The following ALMS1 variants were observed in gnomAD, a reference collection of about 807,000 sequenced individuals.
ALMS1 encodes ALMS1 centrosome and basal body associated protein.
ALMS1 carries 271 observed loss-of-function variants against 352.2 expected under a neutral mutation model. That is an observed-to-expected ratio of 0.77 (90% CI 0.70 to 0.85). ALMS1 has a LOEUF of 0.85. Among genes scored for constraint, ALMS1 ranks in the 40% least tolerant of loss-of-function variants. The probability of loss-of-function intolerance (pLI) is 0.00; values close to 1 mark genes in which losing one functional copy is unlikely to be tolerated. For missense variants in ALMS1, 5,445 were observed against 4,870.7 expected, an observed-to-expected ratio of 1.12 and a Z score of -3.51; for synonymous variants, 1,865 against 1,761.2, an observed-to-expected ratio of 1.06 and a Z score of -1.48.
intron 2 of ALMS1, 36 bp downstream of exon 2, chr2:73,408,783 G>T (rs756621414): frequency 3.0e-5 from 46 of 1,541,474 alleles, no homozygotes; most frequent in Non-Finnish European, 3.8e-5. Context: ...TTTTTTTTTT[G>T]ATAAGCAGCA....
Position 73,601,486 on chromosome 2 carries a change from G to A in ALMS1, c.12114+50G>A, listed in dbSNP as rs908855802. ...AATGCTACGTGTAGGGAGAAGAAGG[G>A]CAAGGCGCAGAGAAGCTGGCTCTGT... is the stretch of plus-strand genomic sequence containing the variant. On this transcript the variant is annotated intron_variant, in intron 19 of 22. Coordinates refer to ENST00000613296, the MANE Select transcript of ALMS1 (RefSeq NM_001378454.1). 3.1e-6 allele frequency: 5 copies of A among 1,597,444 alleles called. No homozygotes were observed. The Admixed American group carries it at 5.3e-5, about 17-fold the overall frequency.
chr2:73,538,665 A>G (rs931696872), intron 12 of ALMS1, among the ~76,000 whole-genome samples: 2 of 152,178 alleles, frequency 1.3e-5, no homozygotes, highest in Non-Finnish European at 1.5e-5. Context: ...AGGCACCTGG[A>G]AAATCGGGTC....
intron 9 of ALMS1, among the ~76,000 whole-genome samples, chr2:73,461,279 C>A (rs1572944324): frequency 6.6e-6 from 1 of 152,192 alleles, no homozygotes; most frequent in South Asian, 2.1e-4. Context: ...TTGCGGTTCA[C>A]CAATATCCGC....
chr2:73,459,250 G>A (rs1672135531), intron 9 of ALMS1: 1 of 152,148 alleles, frequency 6.6e-6, no homozygotes, highest in South Asian at 2.1e-4. Flanking sequence ...TGCTTTTCAT[G>A]CTTGTCAGGA....
At position 73,573,352 on chromosome 2, in the gene ALMS1, A is replaced by C. The variant is rs527623237; in HGVS notation, c.11475A>C (p.Lys3825Asn). 6.2e-7 allele frequency: 1 copy of C among 1,614,130 alleles called. No individual in the cohort carries two copies. The highest frequency in any genetic ancestry group is 1.7e-5 in the Admixed American group (1 of 60,000). Residue 3825 changes from lysine to asparagine, a missense_variant, in exon 16 of 23, where the codon AAA becomes AAC. Physicochemically the swap from Lys to Asn is moderately conservative, Grantham distance 94. Transcript: ENST00000613296. The part of the protein sequence containing the change: ...QQRRYLEKRS[K>N]HSKKVLNTGH... ...GGAGATACCTTGAGAAGCGGAGCAA[A>C]CACAGCAAGAAAGTGCTGAATACAG... is the stretch of plus-strand genomic sequence containing the variant.
chr2:73,431,868 G>T, intron 6 of ALMS1, among the ~76,000 whole-genome samples: 1 of 152,112 alleles, frequency 6.6e-6, no homozygotes, highest in East Asian at 1.9e-4. Flanking sequence ...TGATCATAAG[G>T]AGCAAACTTC....
intron 3 of ALMS1, among the ~76,000 whole-genome samples, chr2:73,422,314 G>T (rs1671298707): frequency 6.6e-6 from 1 of 152,014 alleles, no homozygotes; most frequent in Admixed American, 6.6e-5. Flanking sequence ...GTATCTTTTT[G>T]AGAGAATGGG....
chr2:73,433,304 G>A (rs1275649231), intron 7 of ALMS1, among the ~76,000 whole-genome samples: 1 of 152,198 alleles, frequency 6.6e-6, no homozygotes, highest in African/African-American at 2.4e-5. Context: ...CATTGAATGG[G>A]TATGGTAGAA....
chr2:73,542,704 T>C (rs1428923184), intron 12 of ALMS1, among the ~76,000 whole-genome samples: 1 of 152,018 alleles, frequency 6.6e-6, no homozygotes, highest in Non-Finnish European at 1.5e-5. Flanking sequence ...ATCACAAGCA[T>C]TCCTATACAC....
At chr2:73,553,189 G>A (rs913585676) in intron 13 of ALMS1, among the ~76,000 whole-genome samples, 2 of 152,146 alleles carry the variant, frequency 1.3e-5, no homozygotes, top group African/African-American at 4.8e-5. Flanking sequence ...AATGAGACTG[G>A]CATCAGACTT....
chr2:73,608,767 C>A (rs1675874469), intron 22 of ALMS1, among the ~76,000 whole-genome samples, 193 bp downstream of exon 22: 3 of 152,160 alleles, frequency 2.0e-5, no homozygotes, highest in Admixed American at 1.3e-4. Context: ...GTTTAACTCC[C>A]CATCCATAAT....
At chr2:73,574,422 ATTTATAT>A (rs1402961333) in intron 16 of ALMS1, among the ~76,000 whole-genome samples, 1 of 152,164 alleles carries the variant, frequency 6.6e-6, no homozygotes, top group African/African-American at 2.4e-5. Context: ...ACTTTTTAAA[ATTTATAT>A]TTTTGTGTAT....
chr2:73,503,646 T>C (rs531338165), intron 10 of ALMS1, among the ~76,000 whole-genome samples: 1 of 152,330 alleles, frequency 6.6e-6, no homozygotes. Flanking sequence ...ATGGTATTTC[T>C]AGTTCTAGAT....
At chr2:73,538,024 AAAAC>A (rs1254787643) in intron 12 of ALMS1, among the ~76,000 whole-genome samples, 9 of 152,168 alleles carry the variant, frequency 5.9e-5, no homozygotes, top group Admixed American at 6.5e-5. Flanking sequence ...AAAAAACAAA[AAAAC>A]AAAGGCAACA....
At chr2:73,431,644 G>A (rs1251987839) in intron 6 of ALMS1, among the ~76,000 whole-genome samples, 4 of 152,070 alleles carry the variant, frequency 2.6e-5, no homozygotes, top group Non-Finnish European at 4.4e-5. Context: ...CACTACTTTT[G>A]TTTTAAGAAG....
intron 16 of ALMS1, among the ~76,000 whole-genome samples, chr2:73,581,772 G>C (rs929434529): frequency 6.7e-6 from 1 of 148,800 alleles, no homozygotes; most frequent in African/African-American, 2.5e-5. Flanking sequence ...TTTTTGAGAC[G>C]TAGTCTCTAT....
rs943276018 is a variant in ALMS1, at chr2:73,460,636, G to A, written c.7674+5341G>A. On this transcript the variant is annotated intron_variant, in intron 9 of 22. Coordinates refer to ENST00000613296, the MANE Select transcript of ALMS1 (RefSeq NM_001378454.1). ...CACCATTCACAAGCCGAAGCAGGGC[G>A]AGGCATTGCCTCACTCGGGAAGTGC... Among the ~76,000 whole-genome samples, 7 of 152,184 alleles carry A rather than the reference G, an allele frequency of 4.6e-5. No individual in the cohort carries two copies. In the East Asian group the frequency reaches 1.2e-3, roughly 25 times the overall value.
intron 9 of ALMS1, among the ~76,000 whole-genome samples, chr2:73,488,873 A>C (rs1309229532): frequency 6.6e-6 from 1 of 152,244 alleles, no homozygotes; most frequent in East Asian, 1.9e-4. Context: ...ATGCGCCAGG[A>C]AACAAGGTCT....
intron 1 of ALMS1, among the ~76,000 whole-genome samples, chr2:73,404,113 G>A (rs1670926469): frequency 6.6e-6 from 1 of 152,112 alleles, no homozygotes; most frequent in Non-Finnish European, 1.5e-5. Context: ...TGGTCAGGGT[G>A]GTCTCAAACT....
Sources: gnomAD v4.1 joint callset for allele counts (sites outside exome capture counted in the v4.1 genomes callset) on GRCh38, gnomAD v4.1.1 for gene constraint, MANE v1.5 for transcripts, NCBI Gene and HGNC (gene_info 2026-07-23, HGNC 2026-07-21) for gene names.